Variants in ROBO2 observed in about 807,000 individuals in gnomAD.
ROBO2 encodes roundabout guidance receptor 2, also known as roundabout homolog 2.
A neutral mutation model predicts 160.8 loss-of-function variants in ROBO2; 53 were observed. The ratio of observed to expected loss-of-function variants is 0.33; its 90% CI spans 0.26 to 0.41. The LOEUF (loss-of-function observed/expected upper bound fraction) is 0.41, where lower values mean the gene tolerates loss of function less well. Ranked by LOEUF, ROBO2 falls within the 10% of genes least tolerant of loss-of-function variation. The probability of loss-of-function intolerance (pLI) is 1.00; values close to 1 mark genes in which losing one functional copy is unlikely to be tolerated. For synonymous variants in ROBO2, 664 were observed against 611.7 expected, an observed-to-expected ratio of 1.09 and a Z score of -1.26; for missense variants, 1,577 against 1,722.4, an observed-to-expected ratio of 0.92 and a Z score of 1.49.
intron 2 of ROBO2, among the ~76,000 whole-genome samples, chr3:76,629,467 G>A (rs1162351779): frequency 6.6e-6 from 1 of 152,156 alleles, no homozygotes; most frequent in East Asian, 1.9e-4. Flanking sequence ...AGAACTTGGA[G>A]TCCAATATCT....
chr3:77,617,434 C>T, intron 21 of ROBO2, 79 bp from the exon 23 acceptor site: 1 of 1,531,100 alleles, frequency 6.5e-7, no homozygotes, highest in South Asian at 1.1e-5. Context: ...GTGGTTGCTA[C>T]TTATTGCCAG....
chr3:77,545,268 G>T (rs893549865), intron 6 of ROBO2, among the ~76,000 whole-genome samples: 2 of 151,988 alleles, frequency 1.3e-5, no homozygotes, highest in Non-Finnish European at 2.9e-5. Context: ...TACATAACTT[G>T]GACCCTCCAT....
exon 22 of ROBO2, chr3:77,617,615 T>C (rs1206069232): frequency 6.2e-7 from 1 of 1,613,984 alleles, no homozygotes; most frequent in African/African-American, 1.3e-5. Context: ...TCCCAACACC[T>C]CCTGTTCGAG....
chr3:76,185,215 T>TATATATATATATATATATATATATACAC, intron 2 of ROBO2, among the ~76,000 whole-genome samples: 1,536 of 89,816 alleles, frequency 0.017, 42 homozygotes, highest in Non-Finnish European at 0.023. Flanking sequence ...TATATATATA[T>TATATATATATATATATATATATATACAC]ACACACACAA....
intron 2 of ROBO2, among the ~76,000 whole-genome samples, chr3:76,979,108 ATTTTTTGTGT>A (rs1243659290): frequency 4.3e-4 from 65 of 151,740 alleles, no homozygotes; most frequent in Admixed American, 4.3e-3. Context: ...ACACCTGGAT[ATTTTTTGTGT>A]TTTTTTGTGG....
chr3:77,635,776 G>A (rs993962350), intron 24 of ROBO2, among the ~76,000 whole-genome samples: 8 of 152,118 alleles, frequency 5.3e-5, no homozygotes, highest in Admixed American at 2.0e-4. Context: ...AATATACTAC[G>A]TGACACTTGC....
At chr3:76,717,590 C>T (rs1345933510) in intron 2 of ROBO2, among the ~76,000 whole-genome samples, 3 of 152,040 alleles carry the variant, frequency 2.0e-5, no homozygotes, top group African/African-American at 7.2e-5. Flanking sequence ...CACGGAATAT[C>T]AGCTGAGTTT....
intron 2 of ROBO2, among the ~76,000 whole-genome samples, chr3:76,992,364 TATATA>T (rs1559812286): frequency 0.12 from 7,018 of 59,270 alleles, 331 homozygotes; most frequent in East Asian, 0.26. Context: ...TATATATATA[TATATA>T]AATTTAGCTT....
At chr3:76,711,382 CT>C (rs1213105667) in intron 2 of ROBO2, among the ~76,000 whole-genome samples, 2 of 152,168 alleles carry the variant, frequency 1.3e-5, no homozygotes, top group East Asian at 1.9e-4. Context: ...GGCCCCTCCC[CT>C]GACACGTGGG....
At chr3:76,842,688 T>C (rs1357400529) in intron 2 of ROBO2, among the ~76,000 whole-genome samples, 2 of 152,210 alleles carry the variant, frequency 1.3e-5, no homozygotes, top group Non-Finnish European at 2.9e-5. Flanking sequence ...AGTTAAATCA[T>C]GAAACGTGGT....
chr3:76,727,134 A>G (rs1373699534), intron 2 of ROBO2, among the ~76,000 whole-genome samples: 1 of 99,930 alleles, frequency 1.0e-5, no homozygotes, highest in African/African-American at 2.9e-5. Context: ...AAAGAATATA[A>G]CATGCAGTAT....
chr3:76,628,433 G>GTTTTTT (rs10670772), intron 2 of ROBO2, among the ~76,000 whole-genome samples: 18 of 135,360 alleles, frequency 1.3e-4, no homozygotes, highest in African/African-American at 5.0e-4. Flanking sequence ...TAATTTTTAG[G>GTTTTTT]TTTTTTTTTT....
At chr3:77,596,327 A>G (rs76048246) in intron 18 of ROBO2, among the ~76,000 whole-genome samples, 1 of 152,274 alleles carries the variant, frequency 6.6e-6, no homozygotes, top group South Asian at 2.1e-4. Context: ...GTGCCAATGT[A>G]TCATCAAACC....
chr3:77,100,786 T>G (rs1009020812), intron 2 of ROBO2, among the ~76,000 whole-genome samples: 2 of 152,110 alleles, frequency 1.3e-5, no homozygotes, highest in East Asian at 1.9e-4. Context: ...TAAAGACATG[T>G]AAAAATACTA....
chr3:77,094,955 A>G (rs1303572594), intron 1 of ROBO2, among the ~76,000 whole-genome samples: 1 of 152,056 alleles, frequency 6.6e-6, no homozygotes, highest in Non-Finnish European at 1.5e-5. Flanking sequence ...TGGGTATATG[A>G]TTTGCAGATT....
At chr3:76,736,857 CT>C (rs2093721063) in intron 2 of ROBO2, among the ~76,000 whole-genome samples, 1 of 152,152 alleles carries the variant, frequency 6.6e-6, no homozygotes, top group Non-Finnish European at 1.5e-5. Flanking sequence ...GAGTTTAAAA[CT>C]TACTGCTTAA....
At chr3:77,011,054 C>T (rs1188680063) in intron 2 of ROBO2, among the ~76,000 whole-genome samples, 1 of 106,746 alleles carries the variant, frequency 9.4e-6, no homozygotes, top group Non-Finnish European at 1.9e-5. Flanking sequence ...TTCTTTCTTT[C>T]TTCTTTCTTT....
intron 1 of ROBO2, among the ~76,000 whole-genome samples, chr3:77,042,133 A>G (rs887579487): frequency 5.9e-5 from 9 of 152,220 alleles, no homozygotes; most frequent in African/African-American, 2.2e-4. Context: ...GGACTACATG[A>G]GTACCTTTGC....
At chr3:76,311,358 C>T (rs1283931059) in intron 2 of ROBO2, 3 of 152,224 alleles carry the variant, frequency 2.0e-5, no homozygotes, top group African/African-American at 7.2e-5. Context: ...CTCTTCCTCT[C>T]TGGACCAACT....
Sources: gnomAD v4.1 joint callset for allele counts (sites outside exome capture counted in the v4.1 genomes callset) on GRCh38, gnomAD v4.1.1 for gene constraint, MANE v1.5 for transcripts, NCBI Gene and HGNC (gene_info 2026-07-23, HGNC 2026-07-21) for gene names.